ATP1B2: variants seen among roughly 807,000 people sequenced by gnomAD.
ATP1B2 encodes sodium/potassium-transporting ATPase subunit beta-2.
Under a neutral mutation model 37.3 loss-of-function variants are expected in ATP1B2, and 12 were observed. The observed-to-expected ratio is 0.32, with a 90% confidence interval of 0.21 to 0.52. ATP1B2 has a LOEUF of 0.52. Ranked by LOEUF, ATP1B2 falls within the 20% of genes least tolerant of loss-of-function variation. ATP1B2 has a pLI of 0.96. For synonymous variants in ATP1B2, 139 were observed against 140.5 expected (o/e 0.99, Z 0.07); for missense variants, 324 against 391.6 (o/e 0.83, Z 1.46).
Position 7,654,553 on chromosome 17 carries a change from G to A in ATP1B2, c.553-75G>A, listed in dbSNP as rs558505620. Reference sequence around the variant, plus strand: ...CCTAGTAGTTGGGACTACAGTCCCCGGCTTAGCTTGGTCTGGATGCCCATC... The same window carrying A: ...CCTAGTAGTTGGGACTACAGTCCCCAGCTTAGCTTGGTCTGGATGCCCATC... On this transcript the variant is annotated intron_variant, in intron 4 of 6. Coordinates refer to ENST00000250111, the MANE Select transcript of ATP1B2 (RefSeq NM_001678.5). The surrounding 1 kb of genome is among the most constrained non-coding windows in gnomAD (Gnocchi z 4.9). 1.6e-4 allele frequency: 236 copies of A among 1,509,036 alleles called. No individual in the cohort carries two copies. Among genetic ancestry groups the A allele is most frequent in the Middle Eastern group, 5.1e-4 (3 of 5,880 alleles). The allele number at this position is 1,509,036 out of a possible 1,614,324, so 93.5% of individuals were successfully genotyped here.
In ATP1B2 at chr17:7,655,527, C is replaced by A; in HGVS notation, c.610C>A (p.Arg204=). Residue 204 remains arginine, a splice_region_variant and synonymous_variant, in exon 6 of 7, where the codon CGA becomes AGA. Transcript: ENST00000250111. This position sits in a 1 kb window ranked among gnomAD's most constrained non-coding sequence, Gnocchi z 4.4. ...QSMNVTCAGK[R]DEDAENLGNF... ...CCCCTATCTTCCTGCACCCCCACAG[C>A]GAGATGAAGATGCTGAGAATCTCGG... The A allele has an allele frequency of 6.2e-7, 1 of 1,614,128 alleles. No homozygotes were observed. The highest frequency in any genetic ancestry group is 8.5e-7 in the Non-Finnish European group (1 of 1,180,006).
intron 1 of ATP1B2, 106 bp from the exon 2 acceptor site, chr17:7,653,267 TG>T: frequency 6.7e-7 from 1 of 1,495,438 alleles, no homozygotes; most frequent in African/African-American, 1.4e-5. Context: ...TGTGGCTCTG[TG>T]ATCAGTCCCA....
chr17:7,654,128 A>G lies in ATP1B2; in HGVS notation c.423A>G (p.Gly141=), dbSNP rs773014135. 2 of 1,614,086 alleles carry G rather than the reference A, an allele frequency of 1.2e-6. No individual in the cohort carries two copies. Among genetic ancestry groups the G allele is most frequent in the Non-Finnish European group, 1.7e-6 (2 of 1,180,046 alleles). The change falls in exon 4 of 7, where the codon GGA becomes GGG. Residue 141 remains glycine (G), a synonymous_variant. Coordinates refer to ENST00000250111, the MANE Select transcript of ATP1B2 (RefSeq NM_001678.5). This position sits in a 1 kb window ranked among gnomAD's most constrained non-coding sequence, Gnocchi z 4.9. ...PGRYYEQPDN[G]VLNYPKRACQ... is the part of the protein sequence containing the mutation. ...GCTATTACGAACAGCCAGATAATGG[A>G]GTCCTCAACTACCCCAAACGTGCCT...
In ATP1B2 at chr17:7,654,069, C is replaced by T; in HGVS notation, c.364C>T (p.Gln122Ter). Reference protein sequence around the residue: ...KFLEPYNDSIQAQKNDVCRPG... With the variant: ...KFLEPYNDSI ...CTCTTTAGCTTACAACGACTCTATC[C>T]AAGCCCAAAAGAATGATGTCTGCCG... is the stretch of plus-strand genomic sequence containing the variant. The change falls in exon 4 of 7, where the codon CAA becomes TAA. Residue 122 changes from glutamine (Q) to a stop codon, truncating the protein, a stop_gained. Coordinates refer to ENST00000250111, the MANE Select transcript of ATP1B2 (RefSeq NM_001678.5). LOFTEE classifies it high-confidence loss of function. The surrounding 1 kb of genome is among the most constrained non-coding windows in gnomAD (Gnocchi z 4.9). The T allele has an allele frequency of 6.2e-7, 1 of 1,614,176 alleles. No individual in the cohort carries two copies. Among genetic ancestry groups the T allele is most frequent in the Non-Finnish European group, 8.5e-7 (1 of 1,180,040 alleles).
At position 7,654,664 on chromosome 17, in the gene ATP1B2, A is replaced by C; in HGVS notation, c.589A>C (p.Asn197His). Reference protein sequence around the residue: ...NFYAGANQSMNVTCAGKRDED... With the variant: ...NFYAGANQSMHVTCAGKRDED... ...CTATGCAGGAGCAAACCAGAGCATGAATGTTACCTGTGCTGGGAAGGTGAG... is the reference window on the plus strand; with the variant it reads ...CTATGCAGGAGCAAACCAGAGCATGCATGTTACCTGTGCTGGGAAGGTGAG... The change falls in exon 5 of 7, where the codon AAT becomes CAT. Residue 197 changes from asparagine (N) to histidine (H), a missense_variant. Transcript: ENST00000250111. The surrounding 1 kb of genome is among the most constrained non-coding windows in gnomAD (Gnocchi z 4.9). 3.7e-6 allele frequency: 6 copies of C among 1,614,126 alleles called. No individual in the cohort carries two copies. The highest frequency in any genetic ancestry group is 5.1e-6 in the Non-Finnish European group (6 of 1,180,018).
upstream of ATP1B2, among the ~76,000 whole-genome samples, chr17:7,649,866 C>T (rs2072598896): frequency 6.6e-6 from 1 of 151,768 alleles, no homozygotes; most frequent in Admixed American, 6.6e-5. Context: ...CCTAATTTTG[C>T]ATTTTTAAGT....
chr17:7,654,813 A>G lies in ATP1B2; in HGVS notation c.609+129A>G, dbSNP rs1318275227. ...CTAGAGGCCCCATCACCATAGAAAC[A>G]AGGGGGTAAGAGTGGGCTTTTGGGC... On this transcript the variant is annotated intron_variant, in intron 5 of 6. Coordinates refer to ENST00000250111, the MANE Select transcript of ATP1B2 (RefSeq NM_001678.5). This position sits in a 1 kb window ranked among gnomAD's most constrained non-coding sequence, Gnocchi z 4.9. 7.1e-6 allele frequency: 8 copies of G among 1,119,762 alleles called. No individual in the cohort carries two copies. The East Asian group carries it at 1.7e-4, about 24-fold the overall frequency. 69.4% of individuals were successfully genotyped at this position (1,119,762 alleles called of 1,614,324 possible).
intron 1 of ATP1B2, among the ~76,000 whole-genome samples, chr17:7,652,021 T>C (rs1462059086): frequency 6.6e-6 from 1 of 151,728 alleles, no homozygotes; most frequent in Admixed American, 6.6e-5. Flanking sequence ...TTTTAGCTCG[T>C]GCCCACCCCC....
chr17:7,649,434 C>G (rs563934272), upstream of ATP1B2, among the ~76,000 whole-genome samples: 402 of 151,982 alleles, frequency 2.6e-3, no homozygotes, highest in African/African-American at 9.3e-3. Flanking sequence ...ATTGCCCAAG[C>G]TGGAGTGCAA....
chr17:7,653,712 C>T, intron 2 of ATP1B2, 129 bp from the exon 3 acceptor site: 1 of 1,238,238 alleles, frequency 8.1e-7, no homozygotes, highest in Non-Finnish European at 1.1e-6. Context: ...GGAGATCACC[C>T]TCCCATGAAG....
rs1269428288 is a variant in ATP1B2, at chr17:7,651,189, C to G, written c.-330C>G. The G allele has an allele frequency of 7.9e-5, 22 of 279,558 alleles. No homozygotes were observed. Among genetic ancestry groups the G allele is most frequent in the South Asian group, 7.8e-4 (22 of 28,128 alleles). The allele number at this position is 279,558 out of a possible 1,614,324, so 17.3% of individuals were successfully genotyped here. ...TTTTGTAGCCGTCTGTTTTTGCACC[C>G]CATTTCGTTTTGTTTCTAGACGGTT... is the stretch of plus-strand genomic sequence containing the variant. On this transcript the variant is annotated 5_prime_UTR_variant, in exon 1 of 7. Coordinates refer to ENST00000250111, the MANE Select transcript of ATP1B2 (RefSeq NM_001678.5).
chr17:7,648,192 A>T (rs998502541), upstream of ATP1B2, among the ~76,000 whole-genome samples: 2 of 152,192 alleles, frequency 1.3e-5, no homozygotes, highest in Non-Finnish European at 2.9e-5. Context: ...GTGAGCCAAG[A>T]TCGCGTCACT....
chr17:7,650,541 C>T (rs1419102606), upstream of ATP1B2, among the ~76,000 whole-genome samples: 2 of 152,184 alleles, frequency 1.3e-5, no homozygotes. Flanking sequence ...TGACATTCTG[C>T]CCCATCTGCT....
intron 1 of ATP1B2, among the ~76,000 whole-genome samples, chr17:7,651,989 C>G (rs1318356710): frequency 6.6e-6 from 1 of 152,166 alleles, no homozygotes; most frequent in Admixed American, 6.5e-5. Flanking sequence ...CCGGCTCTCA[C>G]TAGCTCCGCA....
chr17:7,655,984 G>A lies in ATP1B2; in HGVS notation c.*89G>A. The A allele has an allele frequency of 6.6e-7, 1 of 1,520,130 alleles. No individual in the cohort carries two copies. The allele number at this position is 1,520,130 out of a possible 1,614,324, so 94.2% of individuals were successfully genotyped here. ...GATCCCTCCCTCACCCACCCCAAAG[G>A]TATTTTTGATAACAGAGCTATGACT... On this transcript the variant is annotated 3_prime_UTR_variant, in exon 7 of 7. Transcript: ENST00000250111. This position sits in a 1 kb window ranked among gnomAD's most constrained non-coding sequence, Gnocchi z 4.4.
rs771029941 is a variant in ATP1B2 at position 7,651,534 on chromosome 17, GAGA to G, written c.23_25del (p.Lys8del). 9 of 1,602,568 alleles carry G rather than the reference GAGA, an allele frequency of 5.6e-6. No individual in the cohort carries two copies. The highest frequency in any genetic ancestry group is 2.2e-5 in the South Asian group (2 of 89,128). On this transcript the variant is annotated inframe_deletion, in exon 1 of 7. Transcript: ENST00000250111. Reference sequence around the variant, plus strand: ...CGCCACCAAGATGGTCATCCAGAAAGAGAAGAAGAGCTGCGGGCAGGTGGTTGA... The same window carrying G: ...CGCCACCAAGATGGTCATCCAGAAAGAGAAGAGCTGCGGGCAGGTGGTTGA...
Position 7,655,675 on chromosome 17 carries a change from A to G in ATP1B2, c.708+50A>G, listed in dbSNP as rs770328897. 2.5e-6 allele frequency: 4 copies of G among 1,613,944 alleles called. No individual in the cohort carries two copies. Among genetic ancestry groups the G allele is most frequent in the East Asian group, 2.2e-5 (1 of 44,874 alleles). ...TGATGGCGGGTGCGGGTGGTGAGCT[A>G]GGGAAGGAGGCCGCGTTGCCCCAGG... On this transcript the variant is annotated intron_variant, in intron 6 of 6. Coordinates refer to ENST00000250111, the MANE Select transcript of ATP1B2 (RefSeq NM_001678.5). The surrounding 1 kb of genome is among the most constrained non-coding windows in gnomAD (Gnocchi z 4.4).
chr17:7,647,117 AAAAG>A (rs1327311049), upstream of ATP1B2, among the ~76,000 whole-genome samples: 2 of 151,752 alleles, frequency 1.3e-5, no homozygotes, highest in African/African-American at 4.8e-5. Flanking sequence ...AAAAAAAAAA[AAAAG>A]AGTAAGTGGG....
In ATP1B2 at chr17:7,651,186, ACCC is replaced by A. The variant is rs2072609138; in HGVS notation, c.-331_-329del. The A allele has an allele frequency of 3.9e-6, 1 of 259,648 alleles. No individual in the cohort carries two copies. Among genetic ancestry groups the A allele is most frequent in the African/African-American group, 2.4e-5 (1 of 42,294 alleles). 16.1% of individuals were successfully genotyped at this position (259,648 alleles called of 1,614,324 possible). On this transcript the variant is annotated 5_prime_UTR_variant, in exon 1 of 7. Coordinates refer to ENST00000250111, the MANE Select transcript of ATP1B2 (RefSeq NM_001678.5). Reference sequence around the variant, plus strand: ...GGTTTTTGTAGCCGTCTGTTTTTGCACCCCATTTCGTTTTGTTTCTAGACGGTT... The same window carrying A: ...GGTTTTTGTAGCCGTCTGTTTTTGCACATTTCGTTTTGTTTCTAGACGGTT...
Sources: allele counts gnomAD v4.1 joint callset (sites outside exome capture counted in the v4.1 genomes callset), GRCh38; gene constraint gnomAD v4.1.1; non-coding constraint Gnocchi (gnomAD v3.1); transcripts MANE v1.5; gene names NCBI Gene and HGNC (gene_info 2026-07-23, HGNC 2026-07-21).